GRIK4: variants seen among roughly 807,000 people sequenced by gnomAD.
The protein encoded by GRIK4 is glutamate receptor ionotropic, kainate 4.
Under a neutral mutation model 104.9 loss-of-function variants are expected in GRIK4, and 40 were observed. That is an observed-to-expected ratio of 0.38 (90% CI 0.30 to 0.50). GRIK4 has a LOEUF of 0.50. Ranked by LOEUF, GRIK4 falls within the 20% of genes least tolerant of loss-of-function variation. GRIK4 has a pLI of 0.93. For synonymous variants in GRIK4, 485 were observed against 524.9 expected, an observed-to-expected ratio of 0.92 and a Z score of 1.04; for missense variants, 1,047 against 1,308.1, an observed-to-expected ratio of 0.80 and a Z score of 3.08.
At chr11:120,957,417 G>A (rs532497379) in intron 16 of GRIK4, among the ~76,000 whole-genome samples, 8 of 152,334 alleles carry the variant, frequency 5.3e-5, no homozygotes, top group African/African-American at 1.7e-4. Flanking sequence ...GGCTCTGGGG[G>A]CTTGCTGGCC....
chr11:120,715,038 T>C (rs182064309), intron 3 of GRIK4, among the ~76,000 whole-genome samples: 1 of 152,276 alleles, frequency 6.6e-6, no homozygotes, highest in East Asian at 1.9e-4. Flanking sequence ...GCCTCTGGGC[T>C]TTGCACTGGA....
At chr11:120,828,727 G>A (rs1316293445) in intron 6 of GRIK4, among the ~76,000 whole-genome samples, 2 of 152,114 alleles carry the variant, frequency 1.3e-5, no homozygotes, top group South Asian at 2.1e-4. Flanking sequence ...CAGAGGACTC[G>A]CCGCCTCCTC....
intron 1 of GRIK4, among the ~76,000 whole-genome samples, chr11:120,581,947 C>T (rs982500904): frequency 2.0e-5 from 3 of 152,014 alleles, no homozygotes; most frequent in African/African-American, 7.3e-5. Context: ...GCTGGGACTA[C>T]AGGTGCCCAC....
intron 13 of GRIK4, among the ~76,000 whole-genome samples, chr11:120,928,003 A>C (rs1284863296): frequency 6.6e-6 from 1 of 152,086 alleles, no homozygotes; most frequent in Non-Finnish European, 1.5e-5. Flanking sequence ...ACCTGAGATC[A>C]GGAGTGTGAG....
intron 3 of GRIK4, among the ~76,000 whole-genome samples, chr11:120,710,997 T>TTGGG (rs1555046760): frequency 8.0e-6 from 1 of 124,864 alleles, no homozygotes; most frequent in Non-Finnish European, 1.6e-5. Flanking sequence ...CCCTGTGAGG[T>TTGGG]GGGGAGGGGG....
At chr11:120,707,988 T>G (rs1470914693) in intron 3 of GRIK4, among the ~76,000 whole-genome samples, 1 of 152,156 alleles carries the variant, frequency 6.6e-6, no homozygotes, top group Non-Finnish European at 1.5e-5. Flanking sequence ...TGCACCATAG[T>G]CACAAGCCCA....
Position 120,645,616 on chromosome 11 carries a change from A to G in GRIK4, c.-158-8069A>G, listed in dbSNP as rs147038213. On this transcript the variant is annotated intron_variant, in intron 1 of 20. Transcript: ENST00000527524. Reference sequence around the variant, plus strand: ...CTTGGCATCCACGTGGACATGGGGAACATCAGTGTCCCTGTGCATGGTTGG... The same window carrying G: ...CTTGGCATCCACGTGGACATGGGGAGCATCAGTGTCCCTGTGCATGGTTGG... Among the ~76,000 whole-genome samples, 114 of 152,280 alleles carry G rather than the reference A, an allele frequency of 7.5e-4. 1 individual carries two copies. Among genetic ancestry groups the G allele is most frequent in the African/African-American group, 2.7e-3 (111 of 41,568 alleles).
At chr11:120,541,306 T>C (rs1215526444) in intron 1 of GRIK4, among the ~76,000 whole-genome samples, 1 of 152,240 alleles carries the variant, frequency 6.6e-6, no homozygotes, top group Non-Finnish European at 1.5e-5. Context: ...GGAGCACTTA[T>C]CACGGTGTGT....
chr11:120,739,999 C>T (rs1951298754), intron 3 of GRIK4, among the ~76,000 whole-genome samples: 1 of 152,204 alleles, frequency 6.6e-6, no homozygotes, highest in Non-Finnish European at 1.5e-5. Flanking sequence ...CAGGGCAGCC[C>T]ATCTGGTGGC....
At chr11:120,790,775 G>T (rs3133859) in intron 3 of GRIK4, among the ~76,000 whole-genome samples, 27,511 of 152,022 alleles carry the variant, frequency 0.18, 3,136 homozygotes, top group African/African-American at 0.31. Flanking sequence ...GGAACAGAAG[G>T]GGGGCAGTGG....
At chr11:120,783,564 ATTT>A (rs1952204796) in intron 3 of GRIK4, among the ~76,000 whole-genome samples, 1 of 151,890 alleles carries the variant, frequency 6.6e-6, no homozygotes. Context: ...TCGGTTCTTA[ATTT>A]TTAGAGTGGG....
intron 1 of GRIK4, among the ~76,000 whole-genome samples, chr11:120,601,737 G>C (rs962934273): frequency 6.7e-6 from 1 of 149,186 alleles, no homozygotes; most frequent in African/African-American, 2.5e-5. Context: ...TAGGCTCAAC[G>C]TGTGGGGGAA....
At chr11:120,898,774 T>C (rs539703826) in intron 12 of GRIK4, 135 bp downstream of exon 12, 31 of 632,886 alleles carry the variant, frequency 4.9e-5, no homozygotes, top group African/African-American at 4.6e-4. Context: ...GACAGCGTAA[T>C]TACACTCAAG....
intron 3 of GRIK4, among the ~76,000 whole-genome samples, chr11:120,771,632 G>A (rs1951944196): frequency 6.6e-6 from 1 of 152,172 alleles, no homozygotes; most frequent in Admixed American, 6.5e-5. Flanking sequence ...GGTGTAAACA[G>A]GTAACTCTTT....
chr11:120,959,550 G>C (rs1238191705), intron 16 of GRIK4, among the ~76,000 whole-genome samples: 1 of 152,252 alleles, frequency 6.6e-6, no homozygotes, highest in East Asian at 1.9e-4. Flanking sequence ...ATCCCAAACT[G>C]TGCTTAGATC....
rs888785869 is a variant in GRIK4 at position 120,650,228 on chromosome 11, C to T, written c.-158-3457C>T. Reference sequence around the variant, plus strand: ...AGGATGCTGAGTCCAGTTCAGGGTTCATGGAGAAAATCGGCCCTCAATGCA... The same window carrying T: ...AGGATGCTGAGTCCAGTTCAGGGTTTATGGAGAAAATCGGCCCTCAATGCA... On this transcript the variant is annotated intron_variant, in intron 1 of 20. Transcript: ENST00000527524. Among the ~76,000 whole-genome samples, 8 of 152,206 alleles carry T rather than the reference C, an allele frequency of 5.3e-5. No homozygotes were observed. In the East Asian group the frequency reaches 1.5e-3, roughly 29 times the overall value.
Position 120,533,202 on chromosome 11 carries a change from T to C in GRIK4, c.-159+21315T>C, listed in dbSNP as rs75717881. Among the ~76,000 whole-genome samples, 1,356 of 152,250 alleles carry C rather than the reference T, an allele frequency of 8.9e-3. 21 individuals carry two copies. The highest frequency in any genetic ancestry group is 0.031 in the African/African-American group (1,278 of 41,548). On this transcript the variant is annotated intron_variant, in intron 1 of 20. Transcript: ENST00000527524. Reference sequence around the variant, plus strand: ...GGCAAAGGAAAGGACAAGAGCCTCCTAGCAGAGGGAAAAGCACATGTCACA... The same window carrying C: ...GGCAAAGGAAAGGACAAGAGCCTCCCAGCAGAGGGAAAAGCACATGTCACA...
intron 3 of GRIK4, among the ~76,000 whole-genome samples, chr11:120,770,852 G>C (rs1056992106): frequency 2.6e-5 from 4 of 152,156 alleles, no homozygotes; most frequent in Admixed American, 6.5e-5. Context: ...TTATACAGCT[G>C]GATGTGCTAC....
intron 19 of GRIK4, among the ~76,000 whole-genome samples, chr11:120,970,222 TC>T (rs1944452628): frequency 6.6e-6 from 1 of 152,196 alleles, no homozygotes; most frequent in African/African-American, 2.4e-5. Context: ...ACTCAGTTGT[TC>T]CTCTGAACAG....
Sources: allele counts gnomAD v4.1 joint callset (sites outside exome capture counted in the v4.1 genomes callset), GRCh38; gene constraint gnomAD v4.1.1; transcripts MANE v1.5; gene names NCBI Gene and HGNC (gene_info 2026-07-23, HGNC 2026-07-21).